Variants in NFIC observed in about 807,000 individuals in gnomAD.
NFIC encodes the protein nuclear factor 1 C-type.
Under a neutral mutation model 54.4 loss-of-function variants are expected in NFIC, and 12 were observed. The observed-to-expected ratio is 0.22, with a 90% confidence interval of 0.14 to 0.36. The LOEUF (loss-of-function observed/expected upper bound fraction) is 0.36, where lower values mean the gene tolerates loss of function less well. NFIC is among the 10% of genes least tolerant of loss of function. The probability of loss-of-function intolerance (pLI) is 1.00; values close to 1 mark genes in which losing one functional copy is unlikely to be tolerated. For synonymous variants in NFIC, 322 were observed against 319.2 expected (o/e 1.01, Z -0.09); for missense variants, 575 against 718.2 (o/e 0.80, Z 2.28).
At chr19:3,442,193 C>G (rs769948047) in intron 6 of NFIC, among the ~76,000 whole-genome samples, 24 of 152,228 alleles carry the variant, frequency 1.6e-4, no homozygotes, top group Non-Finnish European at 3.1e-4. Flanking sequence ...CGAGGCCTCC[C>G]TGCTTACGCG....
chr19:3,439,784 G>A (rs1368413173), intron 6 of NFIC, among the ~76,000 whole-genome samples: 2 of 149,932 alleles, frequency 1.3e-5, no homozygotes, highest in African/African-American at 2.5e-5. Context: ...CGCCTCCCGG[G>A]TTCATGCCAT....
Position 3,466,294 on chromosome 19 carries a change from AATAGCC to A in NFIC, c.*3527_*3532del, listed in dbSNP as rs1053067455. On this transcript the variant is annotated 3_prime_UTR_variant, in exon 11 of 11. Transcript: ENST00000443272. The surrounding 1 kb of genome is among the most constrained non-coding windows in gnomAD (Gnocchi z 4.8). ...CTTTTTACTTGACCAAAGCTAAGAC[AATAGCC>A]AGATGGTTAGTGGGGCAGCCAGGCA... The A allele has an allele frequency of 1.3e-5, 2 of 151,976 alleles. No individual in the cohort carries two copies. The highest frequency in any genetic ancestry group is 2.9e-5 in the Non-Finnish European group (2 of 67,978). 9.4% of individuals were successfully genotyped at this position (151,976 alleles called of 1,614,324 possible).
At chr19:3,399,531 G>A (rs964575143) in intron 2 of NFIC, among the ~76,000 whole-genome samples, 2 of 151,996 alleles carry the variant, frequency 1.3e-5, no homozygotes, top group Non-Finnish European at 1.5e-5. Flanking sequence ...AGCTGTGATT[G>A]GGCCACTGCA....
At chr19:3,438,538 C>T (rs931270960) in intron 6 of NFIC, among the ~76,000 whole-genome samples, 3 of 151,388 alleles carry the variant, frequency 2.0e-5, no homozygotes, top group Non-Finnish European at 2.9e-5. Context: ...CCCGGGTTCA[C>T]GCCATTCTCC....
chr19:3,371,602 C>G (rs2081011967), intron 1 of NFIC: 1 of 152,096 alleles, frequency 6.6e-6, no homozygotes, highest in South Asian at 2.1e-4. Flanking sequence ...ATGGCACTTT[C>G]CTCAGAGACA....
intron 3 of NFIC, among the ~76,000 whole-genome samples, chr19:3,429,271 C>A (rs1161479555): frequency 1.4e-5 from 2 of 138,996 alleles, no homozygotes; most frequent in East Asian, 2.2e-4. Flanking sequence ...CACACACACA[C>A]ACACACACAC....
At chr19:3,386,855 T>A (rs931700987) in intron 2 of NFIC, among the ~76,000 whole-genome samples, 1 of 152,050 alleles carries the variant, frequency 6.6e-6, no homozygotes, top group East Asian at 1.9e-4. Flanking sequence ...TCTGGCAGGG[T>A]TGTGTGAGGG....
chr19:3,429,397 A>G lies in NFIC; in HGVS notation c.635-4121A>G, dbSNP rs1416036755. Among the ~76,000 whole-genome samples the G allele has an allele frequency of 3.3e-5, 5 of 151,638 alleles. No homozygotes were observed. In the East Asian group the frequency reaches 9.7e-4, roughly 30 times the overall value. ...AGTTTGAGACCAGCCTGGGTAACATAGCAAGACCCTATCTCTACAAAAAGT... is the reference window on the plus strand; with the variant it reads ...AGTTTGAGACCAGCCTGGGTAACATGGCAAGACCCTATCTCTACAAAAAGT... On this transcript the variant is annotated intron_variant, in intron 3 of 10. Transcript: ENST00000443272.
chr19:3,424,962 C>T, intron 2 of NFIC, 144 bp from the exon 3 acceptor site: 2 of 782,376 alleles, frequency 2.6e-6, no homozygotes, highest in East Asian at 5.5e-5. Flanking sequence ...AGAGAGACCC[C>T]AGGGCCTGGG....
intron 2 of NFIC, among the ~76,000 whole-genome samples, chr19:3,398,261 T>C (rs2081496819): frequency 6.6e-6 from 1 of 152,092 alleles, no homozygotes; most frequent in African/African-American, 2.4e-5. Context: ...GTTCGTGGAA[T>C]TAGAGGGTAT....
intron 6 of NFIC, among the ~76,000 whole-genome samples, chr19:3,443,060 C>A (rs920139401): frequency 1.3e-5 from 2 of 152,050 alleles, no homozygotes; most frequent in Admixed American, 6.5e-5. Context: ...CCTGCAGTGC[C>A]CAGGACAGCC....
intron 2 of NFIC, among the ~76,000 whole-genome samples, chr19:3,385,655 C>T (rs2081285731): frequency 6.7e-6 from 1 of 149,434 alleles, no homozygotes; most frequent in South Asian, 2.2e-4. Flanking sequence ...TCACTGCAAC[C>T]TCTGCCTCCC....
chr19:3,418,098 T>C (rs78682229), intron 2 of NFIC, among the ~76,000 whole-genome samples: 14,008 of 148,686 alleles, frequency 0.094, 992 homozygotes, highest in African/African-American at 0.19. Flanking sequence ...AATTTTCTTT[T>C]CTTTTTTTTT....
intron 1 of NFIC, 68 bp from the exon 2 acceptor site, chr19:3,381,644 G>GCCTTC: frequency 6.5e-7 from 1 of 1,539,784 alleles, no homozygotes; most frequent in Non-Finnish European, 8.7e-7. Context: ...CTCAGCCTTC[G>GCCTTC]GGGCCGGGCA....
At chr19:3,416,639 G>A (rs867029371) in intron 2 of NFIC, among the ~76,000 whole-genome samples, 3 of 150,204 alleles carry the variant, frequency 2.0e-5, no homozygotes, top group East Asian at 4.0e-4. Context: ...ATTTTCCTGC[G>A]TCAGCCTCCT....
At position 3,459,742 on chromosome 19, in the gene NFIC, T is replaced by A. The variant is rs1268541155; in HGVS notation, c.1510-3010T>A. Among the ~76,000 whole-genome samples the A allele has an allele frequency of 1.3e-5, 2 of 152,164 alleles. No homozygotes were observed. Among genetic ancestry groups the A allele is most frequent in the Non-Finnish European group, 2.9e-5 (2 of 68,024 alleles). On this transcript the variant is annotated intron_variant, in intron 10 of 10. Coordinates refer to ENST00000443272, the MANE Select transcript of NFIC (RefSeq NM_001245002.2). This position sits in a 1 kb window ranked among gnomAD's most constrained non-coding sequence, Gnocchi z 4.2. ...GAGGGTCACGCCCAGAGTCTGTCGG[T>A]TGCCAACAGAAACCAGACATGAGGT...
chr19:3,404,661 C>G (rs1198489148), intron 2 of NFIC, among the ~76,000 whole-genome samples: 1 of 152,072 alleles, frequency 6.6e-6, no homozygotes, highest in East Asian at 1.9e-4. Context: ...GCCGCCCAGA[C>G]CTACAAAATG....
intron 1 of NFIC, among the ~76,000 whole-genome samples, chr19:3,367,729 G>A (rs1015623714): frequency 1.3e-5 from 2 of 152,200 alleles, no homozygotes; most frequent in Non-Finnish European, 2.9e-5. Flanking sequence ...GAAGTGAGGT[G>A]CGGCTAAGGC....
chr19:3,404,728 C>T (rs1002804726), intron 2 of NFIC, among the ~76,000 whole-genome samples: 3 of 152,194 alleles, frequency 2.0e-5, no homozygotes, highest in Admixed American at 6.5e-5. Flanking sequence ...AGAAAATGGC[C>T]GCCAGAGGGA....
Sources: gnomAD v4.1 joint callset for allele counts (sites outside exome capture counted in the v4.1 genomes callset) on GRCh38, gnomAD v4.1.1 for gene constraint, Gnocchi (gnomAD v3.1) non-coding constraint, MANE v1.5 for transcripts, NCBI Gene and HGNC (gene_info 2026-07-23, HGNC 2026-07-21) for gene names.